MEGF11: variants seen among roughly 807,000 people sequenced by gnomAD.
MEGF11 encodes multiple EGF like domains 11.
MEGF11 carries 126 observed loss-of-function variants against 146.6 expected under a neutral mutation model. That is an observed-to-expected ratio of 0.86 (90% CI 0.74 to 1.00). The LOEUF is 1.00. MEGF11 is among the 50% of genes least tolerant of loss of function. MEGF11 has a pLI of 0.00. For synonymous variants in MEGF11, 532 were observed against 583.4 expected (o/e 0.91, Z 1.27); for missense variants, 1,509 against 1,521.2 (o/e 0.99, Z 0.13).
intron 22 of MEGF11, among the ~76,000 whole-genome samples, chr15:65,909,336 T>A (rs2078724219): frequency 1.3e-5 from 2 of 151,948 alleles, no homozygotes. Context: ...CTGCCTTGTT[T>A]CCCCTCTCCT....
chr15:65,931,712 C>A (rs1318751158), intron 10 of MEGF11, among the ~76,000 whole-genome samples: 2 of 152,162 alleles, frequency 1.3e-5, no homozygotes, highest in African/African-American at 4.8e-5. Flanking sequence ...CACCCATAAC[C>A]CCATGACACG....
At chr15:66,079,851 A>G (rs1203358307) in intron 5 of MEGF11, among the ~76,000 whole-genome samples, 3 of 152,110 alleles carry the variant, frequency 2.0e-5, no homozygotes, top group Non-Finnish European at 2.9e-5. Flanking sequence ...TGGGGTCTCC[A>G]TGGGCTGCCC....
At chr15:66,118,430 T>G (rs2140906279) in intron 4 of MEGF11, among the ~76,000 whole-genome samples, 1 of 152,310 alleles carries the variant, frequency 6.6e-6, no homozygotes, top group East Asian at 1.9e-4. Flanking sequence ...GCTCTTGTCT[T>G]TCTTAGGGGA....
At chr15:66,237,110 T>C (rs1232660634) in intron 1 of MEGF11, among the ~76,000 whole-genome samples, 1 of 152,160 alleles carries the variant, frequency 6.6e-6, no homozygotes, top group Non-Finnish European at 1.5e-5. Context: ...TGTCTGTCCA[T>C]TTCCACCAGA....
chr15:66,006,722 A>G (rs1271196836), intron 5 of MEGF11, among the ~76,000 whole-genome samples: 9 of 152,204 alleles, frequency 5.9e-5, no homozygotes, highest in Admixed American at 5.2e-4. Context: ...ACATTAAATA[A>G]CCTGTATATA....
intron 13 of MEGF11, among the ~76,000 whole-genome samples, chr15:65,928,145 C>T (rs78174960): frequency 0.063 from 9,568 of 152,240 alleles, 422 homozygotes; most frequent in Non-Finnish European, 0.093. Context: ...CCTTCTCCAT[C>T]ATATTCTCTA....
chr15:65,975,202 A>C (rs538687254), intron 7 of MEGF11, among the ~76,000 whole-genome samples: 45 of 152,230 alleles, frequency 3.0e-4, no homozygotes, highest in African/African-American at 1.0e-3. Context: ...GTGCCATCCC[A>C]GCTCACTGTA....
intron 4 of MEGF11, 135 bp from the exon 5 acceptor site, chr15:66,094,629 G>T (rs944371591): frequency 1.4e-6 from 1 of 690,248 alleles, no homozygotes. Flanking sequence ...TGGCTTGGGG[G>T]GGAAAATCAA....
intron 5 of MEGF11, among the ~76,000 whole-genome samples, chr15:66,067,365 T>C (rs2085172922): frequency 6.6e-6 from 1 of 152,226 alleles, no homozygotes; most frequent in African/African-American, 2.4e-5. Flanking sequence ...TCTACATCTG[T>C]CACCTTATTA....
At chr15:66,142,653 C>T (rs1445485293) in intron 1 of MEGF11, among the ~76,000 whole-genome samples, 1 of 152,152 alleles carries the variant, frequency 6.6e-6, no homozygotes, top group Non-Finnish European at 1.5e-5. Context: ...CTGAGGACGG[C>T]CTGAGCTGAG....
intron 1 of MEGF11, among the ~76,000 whole-genome samples, chr15:66,181,453 C>G (rs1183737794): frequency 6.6e-6 from 1 of 152,176 alleles, no homozygotes; most frequent in African/African-American, 2.4e-5. Context: ...CTTTAGTGAG[C>G]CTGGCAGAAA....
At chr15:66,018,868 T>C in intron 5 of MEGF11, among the ~76,000 whole-genome samples, 1 of 152,034 alleles carries the variant, frequency 6.6e-6, no homozygotes, top group East Asian at 1.9e-4. Context: ...CAGAATGAGA[T>C]GTGTAGAGCA....
chr15:66,130,836 A>G (rs987694738), intron 1 of MEGF11, among the ~76,000 whole-genome samples: 7 of 152,146 alleles, frequency 4.6e-5, no homozygotes, highest in South Asian at 2.1e-4. Flanking sequence ...ACTCATCCCC[A>G]TTAACTTTAA....
At chr15:65,995,339 CA>C (rs2082168688) in intron 5 of MEGF11, among the ~76,000 whole-genome samples, 1 of 152,226 alleles carries the variant, frequency 6.6e-6, no homozygotes, top group South Asian at 2.1e-4. Context: ...CCTCACTGAG[CA>C]TGACTCCTGT....
chr15:66,160,490 T>G (rs889492110), intron 1 of MEGF11, among the ~76,000 whole-genome samples: 3 of 152,182 alleles, frequency 2.0e-5, no homozygotes, highest in Non-Finnish European at 4.4e-5. Flanking sequence ...CCCATTGGTT[T>G]AAAATACTCT....
chr15:65,931,029 C>A, intron 10 of MEGF11, 86 bp from the exon 11 acceptor site: 1 of 1,378,154 alleles, frequency 7.3e-7, no homozygotes, highest in East Asian at 2.7e-5. Flanking sequence ...CCTGCTGCCC[C>A]CAACATGTCC....
At chr15:65,961,187 C>G (rs996349037) in intron 9 of MEGF11, among the ~76,000 whole-genome samples, 1 of 152,138 alleles carries the variant, frequency 6.6e-6, no homozygotes, top group Non-Finnish European at 1.5e-5. Context: ...TGGTGGTGGT[C>G]CCCATTCTCT....
chr15:66,030,062 T>C (rs886192617), intron 5 of MEGF11, among the ~76,000 whole-genome samples: 6 of 152,244 alleles, frequency 3.9e-5, no homozygotes, highest in African/African-American at 1.4e-4. Context: ...TTCTGCCCAA[T>C]GTCATGGGAA....
At chr15:66,194,248 G>A (rs1343871336) in intron 1 of MEGF11, among the ~76,000 whole-genome samples, 1 of 152,184 alleles carries the variant, frequency 6.6e-6, no homozygotes, top group African/African-American at 2.4e-5. Flanking sequence ...CTCAGGAATG[G>A]AAAACCCAAC....
Sources: allele counts gnomAD v4.1 joint callset (sites outside exome capture counted in the v4.1 genomes callset), GRCh38; gene constraint gnomAD v4.1.1; transcripts MANE v1.5; gene names NCBI Gene and HGNC (gene_info 2026-07-23, HGNC 2026-07-21).